SERPINB6: variants seen among roughly 807,000 people sequenced by gnomAD.
The protein encoded by SERPINB6 is serpin B6.
In SERPINB6, 16 loss-of-function variants were observed where a neutral mutation model predicts 26.1. The ratio of observed to expected loss-of-function variants is 0.61; its 90% CI spans 0.42 to 0.93. The LOEUF (loss-of-function observed/expected upper bound fraction) is 0.93. SERPINB6 is among the 40% of genes least tolerant of loss of function. The pLI, the probability that SERPINB6 is intolerant of heterozygous loss-of-function variation, is 0.00. For synonymous variants in SERPINB6, 174 were observed against 176.6 expected (o/e 0.99, Z 0.11); for missense variants, 420 against 478.0 (o/e 0.88, Z 1.13).
chr6:2,962,202 A>G (rs1353872981), intron 1 of SERPINB6: 1 of 985,386 alleles, frequency 1.0e-6, no homozygotes, highest in Non-Finnish European at 1.2e-6. Context: ...CTGTCTGGCC[A>G]GCCCAGGTTA....
intron 1 of SERPINB6, among the ~76,000 whole-genome samples, chr6:2,965,854 G>A (rs913637667): frequency 1.3e-5 from 2 of 152,132 alleles, no homozygotes; most frequent in Non-Finnish European, 2.9e-5. Flanking sequence ...AAACAGGGTG[G>A]GGCTCCCTGG....
At chr6:2,968,536 CATG>C (rs1276249065) in intron 1 of SERPINB6, 6 of 1,168,468 alleles carry the variant, frequency 5.1e-6, no homozygotes, top group Non-Finnish European at 6.3e-6. Flanking sequence ...CACTTTTCAT[CATG>C]ATATTTGATT....
chr6:2,951,395 T>G (rs9378349), intron 5 of SERPINB6, among the ~76,000 whole-genome samples: 1 of 93,550 alleles, frequency 1.1e-5, no homozygotes, highest in South Asian at 3.3e-4. Flanking sequence ...TTGGAAAAAA[T>G]AAAAAATAAA....
chr6:2,955,610 G>C lies in SERPINB6; in HGVS notation c.226C>G (p.Leu76Val), dbSNP rs769353821. The change falls in exon 3 of 7, where the codon CTC (leucine) becomes GTC (valine). Residue 76 changes from leucine (L) to valine (V), a missense_variant. By Grantham distance (32) the Leu-to-Val change is conservative. Transcript: ENST00000380539. ...GTGCCAGTCTTGTTCACTTCGGTGA[G>C]AAGAGACTGGAAGCCCTGGTGGATG... ...GDIHQGFQSL[L>V]TEVNKTGTQY... 2.5e-6 allele frequency: 4 copies of C among 1,614,112 alleles called. No homozygotes were observed. Among genetic ancestry groups the C allele is most frequent in the East Asian group, 2.2e-5 (1 of 44,900 alleles).
At chr6:2,970,148 C>T (rs938170638) in intron 1 of SERPINB6, 1 of 984,868 alleles carries the variant, frequency 1.0e-6, no homozygotes, top group Non-Finnish European at 1.2e-6. Context: ...GTGTGGTCTT[C>T]CCTGGGACCG....
rs1386462486 is a variant in SERPINB6, at chr6:2,953,170, CA to C, written c.446del (p.Leu149CysfsTer10). ...ATGGATCCACTGAGCCCGGAGAGAG[CA>C]ACTCCGCAATTTTACCTGAGCGGAA... The part of the protein sequence containing the change: ...AEKTEGKIAE[L>X]LSPGSVDPLT... On this transcript the variant is annotated frameshift_variant, in exon 5 of 7. Transcript: ENST00000380539. LOFTEE classifies it high-confidence loss of function. 1 of 1,614,080 alleles carries C rather than the reference CA, an allele frequency of 6.2e-7. No homozygotes were observed. Among genetic ancestry groups the C allele is most frequent in the Non-Finnish European group, 8.5e-7 (1 of 1,180,048 alleles).
chr6:2,954,392 A>G (rs1360579067), intron 4 of SERPINB6, among the ~76,000 whole-genome samples, 200 bp downstream of exon 4: 3 of 152,226 alleles, frequency 2.0e-5, no homozygotes, highest in African/African-American at 7.2e-5. Context: ...AAACAGGGAG[A>G]AATCAGAGAG....
chr6:2,970,458 C>T, intron 1 of SERPINB6: 1 of 1,095,944 alleles, frequency 9.1e-7, no homozygotes, highest in Non-Finnish European at 1.1e-6. Flanking sequence ...TCCCAGCACA[C>T]ATAAAAGCCC....
chr6:2,959,198 T>C lies in SERPINB6; in HGVS notation c.135A>G (p.Ala45=). The C allele has an allele frequency of 6.2e-7, 1 of 1,614,216 alleles. No homozygotes were observed. The highest frequency in any genetic ancestry group is 8.5e-7 in the Non-Finnish European group (1 of 1,180,036). ...CCATCTGTGCAGCGGTGTTTCCCTT[T>C]GCCCCCATGTAGACCATGGCCAGGG... is the stretch of plus-strand genomic sequence containing the variant. ...SCALAMVYMG[A]KGNTAAQMAQ... Residue 45 remains alanine, a synonymous_variant, in exon 2 of 7, where the codon GCA becomes GCG. Transcript: ENST00000380539.
Position 2,970,407 on chromosome 6 carries a change from C to G in SERPINB6, c.-11+1126G>C, listed in dbSNP as rs1323196270. 10 of 1,032,122 alleles carry G rather than the reference C, an allele frequency of 9.7e-6. No homozygotes were observed. In the African/African-American group the frequency reaches 1.5e-4, roughly 16 times the overall value. The allele number at this position is 1,032,122 out of a possible 1,614,324, so 63.9% of individuals were successfully genotyped here. A position where few individuals can be genotyped will look rare whatever the true frequency, so the allele number is the denominator to read the frequency against. On this transcript the variant is annotated intron_variant, in intron 1 of 6. Transcript: ENST00000380539. ...CTCAGATACGGTCCTGAAATGAGAA[C>G]AAACGCCATCTATGCTGATAACAGC...
intron 5 of SERPINB6, among the ~76,000 whole-genome samples, chr6:2,950,578 T>C (rs1019249939): frequency 1.0e-4 from 15 of 147,090 alleles, no homozygotes; most frequent in Admixed American, 8.8e-4. Context: ...GCTGAATAAA[T>C]GATAAATGCA....
upstream of SERPINB6, chr6:2,971,675 G>C (rs1035592623): frequency 6.6e-6 from 1 of 152,056 alleles, no homozygotes; most frequent in Non-Finnish European, 1.5e-5. Flanking sequence ...GAGGCGGGGC[G>C]GGACGTGCGG....
At chr6:2,970,287 T>C (rs1373172874) in intron 1 of SERPINB6, 3 of 985,726 alleles carry the variant, frequency 3.0e-6, no homozygotes, top group Non-Finnish European at 2.4e-6. Context: ...ATAAAATGCA[T>C]TGGAATTGGC....
chr6:2,964,622 T>C (rs978757441), intron 1 of SERPINB6, among the ~76,000 whole-genome samples: 1 of 152,174 alleles, frequency 6.6e-6, no homozygotes, highest in Admixed American at 6.5e-5. Context: ...CTCTTCTTTT[T>C]ATGAAATTAC....
chr6:2,965,380 A>G (rs1008210509), intron 1 of SERPINB6, among the ~76,000 whole-genome samples: 3 of 152,200 alleles, frequency 2.0e-5, no homozygotes, highest in African/African-American at 7.2e-5. Flanking sequence ...AAGTTTCCCT[A>G]CTATAATACA....
rs572473602 is a variant in SERPINB6, at chr6:2,965,485, T to C, written c.-11+6048A>G. Among the ~76,000 whole-genome samples, 211 of 152,316 alleles carry C rather than the reference T, an allele frequency of 1.4e-3. 1 individual carries two copies. Among genetic ancestry groups the C allele is most frequent in the African/African-American group, 4.9e-3 (203 of 41,572 alleles). On this transcript the variant is annotated intron_variant, in intron 1 of 6. Transcript: ENST00000380539. ...GGCAAAGAAATTATTTTTTCTTATTTAAGTGTTGATGACATATTTTAATAT... is the reference window on the plus strand; with the variant it reads ...GGCAAAGAAATTATTTTTTCTTATTCAAGTGTTGATGACATATTTTAATAT...
At chr6:2,965,812 G>A (rs563962912) in intron 1 of SERPINB6, among the ~76,000 whole-genome samples, 1 of 152,260 alleles carries the variant, frequency 6.6e-6, no homozygotes, top group South Asian at 2.1e-4. Flanking sequence ...ATCTTATGGG[G>A]TTAAATCCTA....
chr6:2,952,925 T>C (rs1287201346), intron 5 of SERPINB6, 119 bp downstream of exon 5: 13 of 1,452,746 alleles, frequency 8.9e-6, no homozygotes, highest in East Asian at 2.3e-5. Flanking sequence ...GGCCACCCAA[T>C]GGATGTCAAG....
In SERPINB6 at chr6:2,953,002, G is replaced by C. The variant is rs200272095; in HGVS notation, c.573+42C>G. On this transcript the variant is annotated intron_variant, in intron 5 of 6. Coordinates refer to ENST00000380539, the MANE Select transcript of SERPINB6 (RefSeq NM_004568.6). The stretch of plus-strand genomic sequence containing the variant: ...GGGAGGCCCCGAGCCGGAGACGCTC[G>C]TGTGAACACAGGCGCTGCTCCTGTC... The C allele has an allele frequency of 6.8e-6, 11 of 1,613,170 alleles. No homozygotes were observed. In the African/African-American group the frequency reaches 9.3e-5, roughly 14 times the overall value.
Sources: allele counts gnomAD v4.1 joint callset (sites outside exome capture counted in the v4.1 genomes callset), GRCh38; gene constraint gnomAD v4.1.1; transcripts MANE v1.5; gene names NCBI Gene and HGNC (gene_info 2026-07-23, HGNC 2026-07-21).